CEP162: variants seen among roughly 807,000 people sequenced by gnomAD.
CEP162 encodes centrosomal protein of 162 kDa.
A neutral mutation model predicts 169.2 loss-of-function variants in CEP162; 141 were observed. That is an observed-to-expected ratio of 0.83 (90% CI 0.73 to 0.96). The LOEUF (loss-of-function observed/expected upper bound fraction) is 0.96. CEP162 is among the 40% of genes least tolerant of loss of function. The pLI is 0.00. For missense variants in CEP162, 1,600 were observed against 1,587.2 expected (o/e 1.01, Z -0.14); for synonymous variants, 540 against 526.4 (o/e 1.03, Z -0.35).
Position 84,186,482 on chromosome 6 carries a change from CTT to C in CEP162, c.1249_1250del (p.Lys417AspfsTer4). 6.2e-7 allele frequency: 1 copy of C among 1,613,174 alleles called. No individual in the cohort carries two copies. The highest frequency in any genetic ancestry group is 8.5e-7 in the Non-Finnish European group (1 of 1,179,434). On this transcript the variant is annotated frameshift_variant, in exon 12 of 27. Coordinates refer to ENST00000403245, the MANE Select transcript of CEP162 (RefSeq NM_014895.4). LOFTEE classifies it high-confidence loss of function. The stretch of plus-strand genomic sequence containing the variant: ...TGTTTTCCATACTCTCATTTGTGGT[CTT>C]TTGTAAAATCACATTCTCATCATTT... ...DKNDENVILQ[K>X]TTNESMENSC... is the part of the protein sequence containing the mutation.
intron 6 of CEP162, among the ~76,000 whole-genome samples, chr6:84,209,021 T>A (rs539948160): frequency 6.6e-6 from 1 of 152,312 alleles, no homozygotes; most frequent in East Asian, 1.9e-4. Context: ...TACTTAGGAT[T>A]TGGGAACTAA....
At chr6:84,154,014 G>A (rs2099522122) in intron 22 of CEP162, among the ~76,000 whole-genome samples, 1 of 152,074 alleles carries the variant, frequency 6.6e-6, no homozygotes, top group Non-Finnish European at 1.5e-5. Flanking sequence ...TGTTAATTTG[G>A]GGTTAGGTGG....
At chr6:84,216,604 A>T (rs949754901) in intron 3 of CEP162, among the ~76,000 whole-genome samples, 19 of 152,316 alleles carry the variant, frequency 1.2e-4, no homozygotes, top group African/African-American at 3.8e-4. Context: ...AAGCATATTA[A>T]AAGTTTTTTA....
rs141798046 is a variant in CEP162, at chr6:84,204,006, G to A, written c.662C>T (p.Ser221Leu). 1 of 1,607,258 alleles carries A rather than the reference G, an allele frequency of 6.2e-7. No homozygotes were observed. The highest frequency in any genetic ancestry group is 1.3e-5 in the African/African-American group (1 of 74,556). ...EEMPSKENSK[S>L]EKISVPKQEE... ...CTGTTTGGGCACACTTATTTTTTCT[G>A]ATTTGGAATTCTCTTTGGAAGGCAT... Residue 221 changes from serine to leucine, a missense_variant, in exon 7 of 27, where the codon TCA (serine) becomes TTA (leucine). Transcript: ENST00000403245.
intron 2 of CEP162, among the ~76,000 whole-genome samples, chr6:84,224,737 G>A (rs766910596): frequency 6.6e-6 from 1 of 152,124 alleles, no homozygotes; most frequent in African/African-American, 2.4e-5. Context: ...AAGAGGAAGA[G>A]AGACACAGAC....
chr6:84,200,492 T>C (rs2099544035), intron 9 of CEP162, among the ~76,000 whole-genome samples: 1 of 152,300 alleles, frequency 6.6e-6, no homozygotes, highest in East Asian at 1.9e-4. Context: ...AACTGAATAC[T>C]CTGGAGAGGC....
chr6:84,222,325 A>G (rs905233837), intron 2 of CEP162, among the ~76,000 whole-genome samples: 2 of 152,182 alleles, frequency 1.3e-5, no homozygotes, highest in African/African-American at 4.8e-5. Context: ...CCTTGACTTT[A>G]GTAGCATCAC....
chr6:84,174,738 GAATAT>G lies in CEP162; in HGVS notation c.2009_2013del (p.Tyr670SerfsTer9). On this transcript the variant is annotated frameshift_variant, in exon 15 of 27. Transcript: ENST00000403245. LOFTEE classifies it high-confidence loss of function. ...AATGTATCTAGTACCTTGGCTTGAAGAATATAATTATCTTGATTCAATTTGAAGAG... is the reference window on the plus strand; with the variant it reads ...AATGTATCTAGTACCTTGGCTTGAAGAATTATCTTGATTCAATTTGAAGAG... The G allele has an allele frequency of 6.9e-7, 1 of 1,456,896 alleles. No homozygotes were observed. Among genetic ancestry groups the G allele is most frequent in the Non-Finnish European group, 9.5e-7 (1 of 1,057,806 alleles). The allele number at this position is 1,456,896 out of a possible 1,614,324, so 90.2% of individuals were successfully genotyped here. A position where few individuals can be genotyped will look rare whatever the true frequency, so the allele number is the denominator to read the frequency against.
chr6:84,186,729 T>C lies in CEP162; in HGVS notation c.1110-106A>G, dbSNP rs76858907. 3.7e-3 allele frequency: 3,244 copies of C among 871,932 alleles called. 69 individuals carry two copies. In the African/African-American group the frequency reaches 0.049, roughly 13 times the overall value. The allele number at this position is 871,932 out of a possible 1,614,324, so 54.0% of individuals were successfully genotyped here. ...CACGCAGACACACTATATATTTGAA[T>C]TGTTAACTATTCAAATTAAGTTAAT... On this transcript the variant is annotated intron_variant, in intron 11 of 26. Transcript: ENST00000403245.
At position 84,155,190 on chromosome 6, in the gene CEP162, T is replaced by C. The variant is rs575458184; in HGVS notation, c.2994+108A>G. 614 of 862,504 alleles carry C rather than the reference T, an allele frequency of 7.1e-4. 2 individuals carry two copies. Among genetic ancestry groups the C allele is most frequent in the Non-Finnish European group, 1.1e-3 (586 of 554,940 alleles). The allele number at this position is 862,504 out of a possible 1,614,324, so 53.4% of individuals were successfully genotyped here. On this transcript the variant is annotated intron_variant, in intron 22 of 26. Coordinates refer to ENST00000403245, the MANE Select transcript of CEP162 (RefSeq NM_014895.4). ...CACCTATTGATACCAGTGGTAAAGG[T>C]TTCATGGGAAAGAATGTTTATAGCT...
In CEP162 at chr6:84,175,200, T is replaced by G; in HGVS notation, c.1797+14A>C. 1 of 1,478,708 alleles carries G rather than the reference T, an allele frequency of 6.8e-7. No homozygotes were observed. The highest frequency in any genetic ancestry group is 9.1e-7 in the Non-Finnish European group (1 of 1,103,124). 91.6% of individuals were successfully genotyped at this position (1,478,708 alleles called of 1,614,324 possible). ...GAACATAAAACATTATGATTATTAA[T>G]TTTGAATACCTACAGTCTGAAACTG... On this transcript the variant is annotated intron_variant, in intron 14 of 26. Coordinates refer to ENST00000403245, the MANE Select transcript of CEP162 (RefSeq NM_014895.4).
At chr6:84,202,859 C>T (rs2099545190) in intron 7 of CEP162, among the ~76,000 whole-genome samples, 1 of 152,094 alleles carries the variant, frequency 6.6e-6, no homozygotes, top group Non-Finnish European at 1.5e-5. Context: ...TTTCTAAGGT[C>T]ATCTCATTTT....
intron 23 of CEP162, 42 bp downstream of exon 23, chr6:84,152,502 CT>C (rs757412911): frequency 2.4e-5 from 27 of 1,121,110 alleles, no homozygotes; most frequent in African/African-American, 2.1e-4. Context: ...CTATTTTTAT[CT>C]TTTTATTTTT....
chr6:84,198,285 A>C (rs1402883818), intron 9 of CEP162, among the ~76,000 whole-genome samples: 1 of 151,690 alleles, frequency 6.6e-6, no homozygotes, highest in African/African-American at 2.4e-5. Context: ...TTATTTATTT[A>C]TTTATTTTTT....
At chr6:84,174,360 G>T (rs555223629) in intron 15 of CEP162, among the ~76,000 whole-genome samples, 172 bp from the exon 16 acceptor site, 1 of 152,258 alleles carries the variant, frequency 6.6e-6, no homozygotes, top group East Asian at 1.9e-4. Flanking sequence ...TGCTGATGGT[G>T]CTGGGTGAGT....
rs1023751061 is a variant in CEP162, at chr6:84,201,027, C to T, written c.719-122G>A. On this transcript the variant is annotated intron_variant, in intron 8 of 26. Coordinates refer to ENST00000403245, the MANE Select transcript of CEP162 (RefSeq NM_014895.4). ...GGCGCGGTGGCTCACGCCTGTAATC[C>T]CAGCACTTTGGGAGGCCAAGGCGGG... is the stretch of plus-strand genomic sequence containing the variant. The T allele has an allele frequency of 2.4e-5, 11 of 465,926 alleles. No homozygotes were observed. The East Asian group carries it at 4.2e-4, about 18-fold the overall frequency. The allele number at this position is 465,926 out of a possible 1,614,324, so 28.9% of individuals were successfully genotyped here. A position where few individuals can be genotyped will look rare whatever the true frequency, so the allele number is the denominator to read the frequency against.
At chr6:84,175,047 T>C in intron 14 of CEP162, 93 bp from the exon 15 acceptor site, 1 of 961,608 alleles carries the variant, frequency 1.0e-6, no homozygotes, top group Non-Finnish European at 1.5e-6. Flanking sequence ...AAGGACATGG[T>C]TAATAATGTT....
At chr6:84,146,102 C>T (rs897984705) in intron 25 of CEP162, among the ~76,000 whole-genome samples, 3 of 152,068 alleles carry the variant, frequency 2.0e-5, no homozygotes, top group African/African-American at 4.8e-5. Flanking sequence ...TTCAGCTGCA[C>T]TTGTTCCAAT....
Position 84,171,654 on chromosome 6 carries a change from C to G in CEP162, c.2231G>C (p.Arg744Pro). 2 of 1,552,882 alleles carry G rather than the reference C, an allele frequency of 1.3e-6. No homozygotes were observed. Among genetic ancestry groups the G allele is most frequent in the South Asian group, 2.5e-5 (2 of 80,512 alleles). ...LQEQNKKNEE[R>P]MFKENQSLFS... ...TAAACTTTGGTTTTCCTTAAACATT[C>G]GCTCCTCATTTTTCTTGTTTTGTTC... is the stretch of plus-strand genomic sequence containing the variant. The change falls in exon 17 of 27, where the codon CGA becomes CCA. Residue 744 changes from arginine (R) to proline (P), a missense_variant. By Grantham distance (103) the Arg-to-Pro change is moderately radical. Transcript: ENST00000403245.
Sources: gnomAD v4.1 joint callset for allele counts (sites outside exome capture counted in the v4.1 genomes callset) on GRCh38, gnomAD v4.1.1 for gene constraint, MANE v1.5 for transcripts, NCBI Gene and HGNC (gene_info 2026-07-23, HGNC 2026-07-21) for gene names.